Variants in KIF26B observed in about 807,000 individuals in gnomAD.
The protein encoded by KIF26B is kinesin-like protein KIF26B.
In KIF26B, 63 loss-of-function variants were observed where a neutral mutation model predicts 151.2. The observed-to-expected ratio is 0.42, with a 90% CI of 0.34 to 0.51. The LOEUF is 0.51. Ranked by LOEUF, KIF26B falls within the 20% of genes least tolerant of loss-of-function variation. KIF26B has a pLI of 0.07. For missense variants in KIF26B, 2,813 were observed against 2,913.6 expected (o/e 0.97, Z 0.79); for synonymous variants, 1,357 against 1,262.1 (o/e 1.08, Z -1.59).
chr1:245,651,874 C>T (rs75242898), intron 10 of KIF26B, among the ~76,000 whole-genome samples: 1,850 of 152,274 alleles, frequency 0.012, 30 homozygotes, highest in African/African-American at 0.042. Flanking sequence ...TTGTCTTCCA[C>T]GAAACCTGTC....
chr1:245,229,998 C>T lies in KIF26B; in HGVS notation c.465+73315C>T, dbSNP rs539418185. On this transcript the variant is annotated intron_variant, in intron 2 of 14. Transcript: ENST00000407071. ...AAATAGAAAAATTAGCTGGGCGTGGCGGCACATGCCTGTAATCCCAGCTAC... is the reference window on the plus strand; with the variant it reads ...AAATAGAAAAATTAGCTGGGCGTGGTGGCACATGCCTGTAATCCCAGCTAC... Among the ~76,000 whole-genome samples, 143 of 151,958 alleles carry T rather than the reference C, an allele frequency of 9.4e-4. 1 individual carries two copies. The highest frequency in any genetic ancestry group is 3.3e-3 in the African/African-American group (135 of 41,454).
At chr1:245,246,870 C>CAA (rs1199137300) in intron 2 of KIF26B, among the ~76,000 whole-genome samples, 1 of 149,374 alleles carries the variant, frequency 6.7e-6, no homozygotes, top group Non-Finnish European at 1.5e-5. Flanking sequence ...GGGCAGAACA[C>CAA]ACACACACAC....
intron 10 of KIF26B, among the ~76,000 whole-genome samples, chr1:245,681,630 A>T (rs544329744): frequency 1.3e-5 from 2 of 152,180 alleles, no homozygotes; most frequent in Non-Finnish European, 2.9e-5. Flanking sequence ...GCTATAGTAC[A>T]TGAGGAAGCC....
chr1:245,609,034 C>A (rs141166326), intron 7 of KIF26B, among the ~76,000 whole-genome samples: 1 of 152,316 alleles, frequency 6.6e-6, no homozygotes, highest in East Asian at 1.9e-4. Flanking sequence ...AGGTTACAGG[C>A]ATGAGCCACT....
intron 4 of KIF26B, among the ~76,000 whole-genome samples, chr1:245,529,850 G>A (rs1661321579): frequency 6.6e-6 from 1 of 152,070 alleles, no homozygotes; most frequent in Non-Finnish European, 1.5e-5. Context: ...AAAAGCTGCC[G>A]CACAGCACAG....
At chr1:245,293,792 G>T (rs1297067832) in intron 2 of KIF26B, among the ~76,000 whole-genome samples, 1 of 152,056 alleles carries the variant, frequency 6.6e-6, no homozygotes, top group Non-Finnish European at 1.5e-5. Context: ...TGGTCAAGCT[G>T]GTCTTGAACT....
At chr1:245,350,091 C>T (rs966721759) in intron 2 of KIF26B, among the ~76,000 whole-genome samples, 4 of 152,048 alleles carry the variant, frequency 2.6e-5, no homozygotes, top group South Asian at 2.1e-4. Flanking sequence ...ATTTCCCCTA[C>T]GGAAATTCAA....
chr1:245,665,554 A>G (rs1214214705), intron 10 of KIF26B, among the ~76,000 whole-genome samples: 3 of 152,236 alleles, frequency 2.0e-5, no homozygotes, highest in African/African-American at 7.2e-5. Flanking sequence ...AGTTACTCTC[A>G]GTTTATGTAA....
Position 245,367,014 on chromosome 1 carries a change from G to A in KIF26B, c.646G>A (p.Ala216Thr), listed in dbSNP as rs753008235. The A allele has an allele frequency of 9.9e-6, 16 of 1,611,746 alleles. No homozygotes were observed. The highest frequency in any genetic ancestry group is 8.9e-5 in the East Asian group (4 of 44,818). The change falls in exon 3 of 15, where the codon GCC (alanine) becomes ACC (threonine). Residue 216 changes from alanine to threonine, a missense_variant. Around this residue, in one of 3 missense-constraint regions of KIF26B, gnomAD observed 676 missense variants for 688.1 expected, o/e 0.98. Transcript: ENST00000407071. The surrounding 1 kb of genome is among the most constrained non-coding windows in gnomAD (Gnocchi z 4.2). ...GGCAGCCGGCAGTGAGCACTACGAC[G>A]CCTCGCCCTGCTCCCCGCCACCGCT... ...EQAAGSEHYD[A>T]SPCSPPPLSN...
At chr1:245,323,278 G>C (rs1354677573) in intron 2 of KIF26B, among the ~76,000 whole-genome samples, 1 of 152,108 alleles carries the variant, frequency 6.6e-6, no homozygotes, top group Non-Finnish European at 1.5e-5. Context: ...TACCTCATTT[G>C]ATCTTTCAAC....
In KIF26B at chr1:245,688,650, C is replaced by A; in HGVS notation, c.5667C>A (p.Phe1889Leu). The change falls in exon 12 of 15, where the codon TTC (phenylalanine) becomes TTA (leucine). Residue 1889 changes from phenylalanine (F) to leucine (L), a missense_variant. Phe to Leu is a conservative substitution (Grantham distance 22). Around this residue, in one of 3 missense-constraint regions of KIF26B, gnomAD observed 2,060 missense variants for 2,088.6 expected, o/e 0.99. Coordinates refer to ENST00000407071, the MANE Select transcript of KIF26B (RefSeq NM_018012.4). Reference protein sequence around the residue: ...LPPAMGKTALFYHSGGSSGYE... With the variant: ...LPPAMGKTALLYHSGGSSGYE... ...CGGCCATGGGGAAGACGGCCCTGTT[C>A]TACCACAGCGGCGGCAGCAGCGGCT... 6.2e-7 allele frequency: 1 copy of A among 1,604,368 alleles called. No individual in the cohort carries two copies. Among genetic ancestry groups the A allele is most frequent in the Non-Finnish European group, 8.5e-7 (1 of 1,176,708 alleles).
At chr1:245,456,025 C>T (rs944109092) in intron 4 of KIF26B, among the ~76,000 whole-genome samples, 4 of 152,174 alleles carry the variant, frequency 2.6e-5, no homozygotes, top group Admixed American at 6.5e-5. Flanking sequence ...AGAAAAAAGA[C>T]ACCCATGATT....
intron 5 of KIF26B, among the ~76,000 whole-genome samples, chr1:245,544,142 T>A (rs953863026): frequency 8.5e-5 from 13 of 152,196 alleles, no homozygotes; most frequent in Admixed American, 8.5e-4. Flanking sequence ...TCACCATCAT[T>A]AGGAACAGCA....
At chr1:245,173,585 G>A (rs1031545560) in intron 2 of KIF26B, among the ~76,000 whole-genome samples, 1 of 152,150 alleles carries the variant, frequency 6.6e-6, no homozygotes, top group Admixed American at 6.5e-5. Flanking sequence ...AGCTCAGTGA[G>A]GTTAGATGCC....
At chr1:245,423,237 T>C (rs1395028868) in intron 4 of KIF26B, among the ~76,000 whole-genome samples, 1 of 152,154 alleles carries the variant, frequency 6.6e-6, no homozygotes, top group Non-Finnish European at 1.5e-5. Context: ...TGAGTGGGCA[T>C]CACTCACTAT....
At chr1:245,271,034 G>A (rs1038979704) in intron 2 of KIF26B, among the ~76,000 whole-genome samples, 23 of 152,026 alleles carry the variant, frequency 1.5e-4, no homozygotes, top group African/African-American at 5.3e-4. Context: ...TGTTGTCTTG[G>A]CACCCTTGCT....
At chr1:245,492,395 T>A (rs1660426662) in intron 4 of KIF26B, among the ~76,000 whole-genome samples, 1 of 152,202 alleles carries the variant, frequency 6.6e-6, no homozygotes, top group South Asian at 2.1e-4. Flanking sequence ...GAAGAGGTTC[T>A]CTTAAATACA....
At chr1:245,389,598 T>C (rs1673635679) in intron 3 of KIF26B, among the ~76,000 whole-genome samples, 1 of 152,220 alleles carries the variant, frequency 6.6e-6, no homozygotes, top group Non-Finnish European at 1.5e-5. Flanking sequence ...TCACTGCATA[T>C]AACCATGTTT....
chr1:245,248,325 G>A lies in KIF26B; in HGVS notation c.465+91642G>A, dbSNP rs773223836. 7.5e-4 allele frequency among the ~76,000 whole-genome samples: 114 copies of A among 152,306 alleles called. 1 individual carries two copies. The highest frequency in any genetic ancestry group is 1.4e-3 in the Non-Finnish European group (94 of 68,042). On this transcript the variant is annotated intron_variant, in intron 2 of 14. Transcript: ENST00000407071. ...AGCGTTCAGCACGGCATCACTGAGG[G>A]CGCCTGGCATGCCTCCGCCTGCCCG...
Sources: allele counts gnomAD v4.1 joint callset (sites outside exome capture counted in the v4.1 genomes callset), GRCh38; gene constraint gnomAD v4.1.1; regional missense constraint gnomAD v4.1.1; non-coding constraint Gnocchi (gnomAD v3.1); transcripts MANE v1.5; gene names NCBI Gene and HGNC (gene_info 2026-07-23, HGNC 2026-07-21).